The following MKLN1 variants were observed in gnomAD, a reference collection of about 807,000 sequenced individuals.
MKLN1 encodes the protein muskelin 1.
Under a neutral mutation model 99.0 loss-of-function variants are expected in MKLN1, and 18 were observed. The ratio of observed to expected loss-of-function variants is 0.18; its 90% CI spans 0.13 to 0.27. The LOEUF (loss-of-function observed/expected upper bound fraction) is 0.27. Ranked by LOEUF, MKLN1 falls within the 10% of genes least tolerant of loss-of-function variation. The probability of loss-of-function intolerance (pLI) is 1.00; values close to 1 mark genes in which losing one functional copy is unlikely to be tolerated. For missense variants in MKLN1, 621 were observed against 875.9 expected (o/e 0.71, Z 3.67); for synonymous variants, 288 against 293.2 (o/e 0.98, Z 0.18).
At position 131,489,712 on chromosome 7, in the gene MKLN1, AT is replaced by A. The variant is rs1303176359; in HGVS notation, c.*1991del. ...CCATTTATTTTTACAGTGCTTTGTA[AT>A]TTTTTTCATCAGTTCCTTAAATGTT... On this transcript the variant is annotated 3_prime_UTR_variant, in exon 18 of 18. Transcript: ENST00000352689. 1 of 152,056 alleles carries A rather than the reference AT, an allele frequency of 6.6e-6. No individual in the cohort carries two copies. Among genetic ancestry groups the A allele is most frequent in the African/African-American group, 2.4e-5 (1 of 41,406 alleles). The allele number at this position is 152,056 out of a possible 1,614,324, so 9.4% of individuals were successfully genotyped here. A position where few individuals can be genotyped will look rare whatever the true frequency, so the allele number is the denominator to read the frequency against.
At chr7:131,464,540 A>G (rs1282720586) in intron 14 of MKLN1, 132 bp downstream of exon 14, 1 of 542,824 alleles carries the variant, frequency 1.8e-6, no homozygotes, top group African/African-American at 1.9e-5. Context: ...CAATAGAATA[A>G]CAAACACCCA....
chr7:131,397,318 A>G lies in MKLN1; in HGVS notation c.452A>G (p.Glu151Gly), dbSNP rs1182342198. Reference protein sequence around the residue: ...PSFNFSIWYVELSGIDDPDIV... With the variant: ...PSFNFSIWYVGLSGIDDPDIV... ...TTTAACTTTAGCATCTGGTATGTTG[A>G]ACTTAGTGGCATTGATGATCCTGAT... The change falls in exon 5 of 18, where the codon GAA becomes GGA. Residue 151 changes from glutamate (E) to glycine (G), a missense_variant. Glu to Gly is a moderately conservative substitution (Grantham distance 98). Transcript: ENST00000352689. 1 of 1,613,278 alleles carries G rather than the reference A, an allele frequency of 6.2e-7. No homozygotes were observed. Among genetic ancestry groups the G allele is most frequent in the Non-Finnish European group, 8.5e-7 (1 of 1,179,626 alleles).
In MKLN1 at chr7:131,414,601, GTTCT is replaced by G. The variant is rs779405568; in HGVS notation, c.782-41_782-38del. 2.9e-6 allele frequency: 4 copies of G among 1,370,508 alleles called. No homozygotes were observed. The East Asian group carries it at 9.9e-5, about 34-fold the overall frequency. 84.9% of individuals were successfully genotyped at this position (1,370,508 alleles called of 1,614,324 possible). On this transcript the variant is annotated intron_variant, in intron 7 of 17. Coordinates refer to ENST00000352689, the MANE Select transcript of MKLN1 (RefSeq NM_013255.5). ...TGAATAAATTTACTCTGGATATGCTGTTCTTTGTTATTCCTTTAAAAGAAACTAT... is the reference window on the plus strand; with the variant it reads ...TGAATAAATTTACTCTGGATATGCTGTTGTTATTCCTTTAAAAGAAACTAT...
At chr7:131,238,054 C>G (rs1452280140) in intron 3 of MKLN1, among the ~76,000 whole-genome samples, 2 of 151,870 alleles carry the variant, frequency 1.3e-5, no homozygotes, top group African/African-American at 4.8e-5. Context: ...GGCTGAGGCA[C>G]GAGAATCACT....
At chr7:131,390,122 G>A (rs1794155437) in intron 4 of MKLN1, among the ~76,000 whole-genome samples, 1 of 152,100 alleles carries the variant, frequency 6.6e-6, no homozygotes, top group Non-Finnish European at 1.5e-5. Context: ...AAACAGTTCT[G>A]TAGGGCAAAA....
chr7:131,160,543 G>T (rs1796033485), intron 2 of MKLN1, among the ~76,000 whole-genome samples: 1 of 145,988 alleles, frequency 6.8e-6, no homozygotes, highest in African/African-American at 2.5e-5. Context: ...TTTTGAGACA[G>T]GGTCTCACTC....
chr7:131,368,234 T>C (rs1331166090), intron 1 of MKLN1, among the ~76,000 whole-genome samples: 1 of 152,206 alleles, frequency 6.6e-6, no homozygotes, highest in Non-Finnish European at 1.5e-5. Flanking sequence ...TAGATCTTAC[T>C]TTATGTTTTG....
At chr7:131,472,963 A>C (rs957621226) in intron 16 of MKLN1, among the ~76,000 whole-genome samples, 13 of 151,324 alleles carry the variant, frequency 8.6e-5, no homozygotes, top group African/African-American at 3.1e-4. Context: ...AAAAAAAAAA[A>C]AAGAAAAAAA....
chr7:131,306,119 T>G (rs1340460886), intron 3 of MKLN1, among the ~76,000 whole-genome samples: 2 of 152,122 alleles, frequency 1.3e-5, no homozygotes, highest in Non-Finnish European at 2.9e-5. Flanking sequence ...GTGAAGAAGG[T>G]GCTTGCTTCT....
At chr7:131,483,803 G>A (rs1683157891) in intron 17 of MKLN1, among the ~76,000 whole-genome samples, 1 of 152,226 alleles carries the variant, frequency 6.6e-6, no homozygotes, top group African/African-American at 2.4e-5. Context: ...AGCTGGGGAC[G>A]TGTGCATATG....
chr7:131,215,502 A>G (rs1023313372), intron 3 of MKLN1, among the ~76,000 whole-genome samples: 3 of 150,540 alleles, frequency 2.0e-5, no homozygotes, highest in Admixed American at 6.6e-5. Context: ...ACATCACCAC[A>G]CCCAGCTAAT....
Position 131,463,220 on chromosome 7 carries a change from C to A in MKLN1, c.1529C>A (p.Pro510Gln). The part of the protein sequence containing the change: ...DGTKKDSGMV[P>Q]MTGFTQRATI... ...TATTTTTTTCTTTAATTTGTAGTTC[C>A]AATGACAGGATTTACACAGAGAGCA... is the stretch of plus-strand genomic sequence containing the variant. Residue 510 changes from proline (P) to glutamine (Q), a missense_variant, in exon 13 of 18, where the codon CCA becomes CAA. This residue lies in a region of MKLN1 where 361 missense variants were observed against 540.8 expected (regional missense o/e 0.67). Transcript: ENST00000352689. The A allele has an allele frequency of 6.2e-7, 1 of 1,606,636 alleles. No homozygotes were observed. Among genetic ancestry groups the A allele is most frequent in the Non-Finnish European group, 8.5e-7 (1 of 1,175,422 alleles).
chr7:131,425,215 T>C (rs1795323372), intron 8 of MKLN1, among the ~76,000 whole-genome samples: 3 of 152,216 alleles, frequency 2.0e-5, no homozygotes, highest in African/African-American at 7.2e-5. Flanking sequence ...CTAGAGTACA[T>C]GTTCATTAAA....
intron 2 of MKLN1, among the ~76,000 whole-genome samples, chr7:131,163,314 A>C (rs1796081577): frequency 6.6e-6 from 1 of 152,228 alleles, no homozygotes; most frequent in Non-Finnish European, 1.5e-5. Context: ...GCCTATGAGA[A>C]AGTTTCTTAA....
intron 2 of MKLN1, among the ~76,000 whole-genome samples, chr7:131,171,174 G>T (rs1265773405): frequency 6.6e-6 from 1 of 152,168 alleles, no homozygotes; most frequent in Non-Finnish European, 1.5e-5. Context: ...ATGCTGAAAT[G>T]GTGAGGGAGG....
chr7:131,238,578 A>G (rs942173492), intron 3 of MKLN1, among the ~76,000 whole-genome samples: 3 of 152,142 alleles, frequency 2.0e-5, no homozygotes, highest in African/African-American at 7.2e-5. Flanking sequence ...GACTACAGGG[A>G]CTCTGAGGTT....
At chr7:131,216,372 G>C (rs1159839353) in intron 3 of MKLN1, among the ~76,000 whole-genome samples, 6 of 149,392 alleles carry the variant, frequency 4.0e-5, no homozygotes, top group Admixed American at 4.0e-4. Context: ...GCAGTGAGCC[G>C]ACATTGCGCC....
chr7:131,455,374 AT>A (rs1188447385), intron 12 of MKLN1, among the ~76,000 whole-genome samples: 1 of 152,148 alleles, frequency 6.6e-6, no homozygotes, highest in Non-Finnish European at 1.5e-5. Flanking sequence ...TATAGATAAA[AT>A]TTTTTTACTT....
chr7:131,443,884 C>T (rs1387777690), intron 11 of MKLN1, among the ~76,000 whole-genome samples, 182 bp downstream of exon 11: 1 of 152,108 alleles, frequency 6.6e-6, no homozygotes, highest in Admixed American at 6.5e-5. Context: ...CTGGTAATTC[C>T]TAAATAGTTA....
Sources: gnomAD v4.1 joint callset for allele counts (sites outside exome capture counted in the v4.1 genomes callset) on GRCh38, gnomAD v4.1.1 for gene constraint, gnomAD v4.1.1 regional missense constraint, MANE v1.5 for transcripts, NCBI Gene and HGNC (gene_info 2026-07-23, HGNC 2026-07-21) for gene names.